KCNC4: variants seen among roughly 807,000 people sequenced by gnomAD.
KCNC4 encodes potassium voltage-gated channel subfamily C member 4.
Under a neutral mutation model 42.8 loss-of-function variants are expected in KCNC4, and 23 were observed. The ratio of observed to expected loss-of-function variants is 0.54; its 90% CI spans 0.39 to 0.76. The LOEUF (loss-of-function observed/expected upper bound fraction) is 0.76, where lower values mean the gene tolerates loss of function less well. Among genes scored for constraint, KCNC4 ranks in the 30% least tolerant of loss-of-function variants. The pLI is 0.00. For synonymous variants in KCNC4, 422 were observed against 393.5 expected (o/e 1.07, Z -0.86); for missense variants, 751 against 898.2 (o/e 0.84, Z 2.10).
chr1:110,243,748 T>G (rs1659083069), exon 4 of KCNC4: 1 of 152,342 alleles, frequency 6.6e-6, no homozygotes, highest in Non-Finnish European at 1.5e-5. Context: ...TGCACCCGGC[T>G]GTGGGCAGAG....
At chr1:110,256,230 G>A (rs1659327808) in intron 1 of KCNC4, among the ~76,000 whole-genome samples, 2 of 152,134 alleles carry the variant, frequency 1.3e-5, no homozygotes, top group Admixed American at 1.3e-4. Flanking sequence ...TTAGACAAGC[G>A]AGATGAAAAC....
chr1:110,261,538 G>T (rs138674532), intron 1 of KCNC4, among the ~76,000 whole-genome samples: 1 of 152,250 alleles, frequency 6.6e-6, no homozygotes, highest in African/African-American at 2.4e-5. Context: ...AGCCACTAAA[G>T]GGAGGATGAG....
rs886333661 is a variant in KCNC4, at chr1:110,256,716, C to T, written n.31-25818C>T. On this transcript the variant is annotated intron_variant and non_coding_transcript_variant, in intron 1 of 2. Transcript: ENST00000412512. ...GGAAGAAAGACAAGTCTGCAGTGGACGGGAAGCGCCGTCACGCCCCGGTAT... is the reference window on the plus strand; with the variant it reads ...GGAAGAAAGACAAGTCTGCAGTGGATGGGAAGCGCCGTCACGCCCCGGTAT... 4.6e-5 allele frequency: 7 copies of T among 153,510 alleles called. No homozygotes were observed. The South Asian group carries it at 1.1e-3, about 23-fold the overall frequency. The allele number at this position is 153,510 out of a possible 1,614,324, so 9.5% of individuals were successfully genotyped here. A position where few individuals can be genotyped will look rare whatever the true frequency, so the allele number is the denominator to read the frequency against.
chr1:110,264,916 T>C (rs973557561), intron 1 of KCNC4, among the ~76,000 whole-genome samples: 1 of 151,988 alleles, frequency 6.6e-6, no homozygotes, highest in African/African-American at 2.4e-5. Context: ...ACCCCATCTC[T>C]ACTAAAAATA....
At chr1:110,217,090 G>T (rs190057526) in intron 1 of KCNC4, among the ~76,000 whole-genome samples, 2 of 152,336 alleles carry the variant, frequency 1.3e-5, no homozygotes, top group East Asian at 3.9e-4. Flanking sequence ...AGATGAGTCA[G>T]AGGGGGCCAT....
intron 3 of KCNC4, among the ~76,000 whole-genome samples, chr1:110,226,842 A>G (rs1397580673): frequency 1.3e-5 from 2 of 152,176 alleles, no homozygotes; most frequent in Non-Finnish European, 2.9e-5. Flanking sequence ...CTTGTCGGAA[A>G]AGGCTGAAAT....
At chr1:110,279,696 T>C (rs976545569) in intron 1 of KCNC4, among the ~76,000 whole-genome samples, 1 of 152,042 alleles carries the variant, frequency 6.6e-6, no homozygotes, top group African/African-American at 2.4e-5. Context: ...ATAATGGCTA[T>C]GAGAGAGAGC....
chr1:110,274,070 T>C (rs1659678973), intron 1 of KCNC4, among the ~76,000 whole-genome samples: 1 of 152,216 alleles, frequency 6.6e-6, no homozygotes, highest in African/African-American at 2.4e-5. Flanking sequence ...ACTGATGATA[T>C]GATCTTATAT....
chr1:110,219,881 G>A (rs1657996526), intron 1 of KCNC4: 1 of 152,174 alleles, frequency 6.6e-6, no homozygotes, highest in Non-Finnish European at 1.5e-5. Context: ...GCCCTGAAGG[G>A]GAACCTGTAA....
Position 110,210,547 on chromosome 1 carries a change from C to T in KCNC4, c.-953C>T, listed in dbSNP as rs925358200. 1.3e-5 allele frequency among the ~76,000 whole-genome samples: 2 copies of T among 151,572 alleles called. No individual in the cohort carries two copies. Among genetic ancestry groups the T allele is most frequent in the Non-Finnish European group, 2.9e-5 (2 of 67,826 alleles). On this transcript the variant is annotated 5_prime_UTR_variant, in exon 1 of 4. Transcript: ENST00000438661. ...GGGGCGTTGCGCTGAGGCTCCCTCT[C>T]CGCGCGGCCCGGGAAGCCTGCAGGT...
At chr1:110,277,731 T>TAAATG (rs1659750069) in intron 1 of KCNC4, among the ~76,000 whole-genome samples, 1 of 152,222 alleles carries the variant, frequency 6.6e-6, no homozygotes, top group Non-Finnish European at 1.5e-5. Context: ...CTCCTCCAAT[T>TAAATG]AAATGTAGGC....
chr1:110,243,259 A>C (rs1557868545), exon 4 of KCNC4: 1 of 152,368 alleles, frequency 6.6e-6, no homozygotes, highest in East Asian at 1.9e-4. Flanking sequence ...GGCAGGTCCA[A>C]CTCGAGGCAG....
chr1:110,257,230 C>A (rs1659346563), intron 1 of KCNC4, among the ~76,000 whole-genome samples: 1 of 152,208 alleles, frequency 6.6e-6, no homozygotes, highest in Non-Finnish European at 1.5e-5. Flanking sequence ...TTGTTATTTG[C>A]AAACTTGACT....
Position 110,211,855 on chromosome 1 carries a change from C to T in KCNC4, c.356C>T (p.Ala119Val), listed in dbSNP as rs1344973245. ...YYRTGKLHCP[A>V]DVCGPLFEEE... ...CGCACCGGCAAGCTGCACTGCCCCGCGGACGTGTGCGGGCCGCTCTTCGAA... is the reference window on the plus strand; with the variant it reads ...CGCACCGGCAAGCTGCACTGCCCCGTGGACGTGTGCGGGCCGCTCTTCGAA... The change falls in exon 1 of 4, where the codon GCG becomes GTG. Residue 119 changes from alanine (A) to valine (V), a missense_variant. Transcript: ENST00000438661. This position sits in a 1 kb window ranked among gnomAD's most constrained non-coding sequence, Gnocchi z 6.5. The T allele has an allele frequency of 3.7e-6, 6 of 1,611,592 alleles. No homozygotes were observed. Among genetic ancestry groups the T allele is most frequent in the African/African-American group, 1.3e-5 (1 of 74,870 alleles).
At position 110,223,374 on chromosome 1, in the gene KCNC4, C is replaced by T; in HGVS notation, c.1089C>T (p.His363=). ...TGCGTATCTTCAAGCTCACACGCCA[C>T]TTCGTGGGGCTACGCGTGCTGGGCC... ...RILRIFKLTR[H]FVGLRVLGHT... The change falls in exon 2 of 4, where the codon CAC becomes CAT. Residue 363 remains histidine, a synonymous_variant. Coordinates refer to ENST00000438661, the MANE Select transcript of KCNC4 (RefSeq NM_001039574.3). This position sits in a 1 kb window ranked among gnomAD's most constrained non-coding sequence, Gnocchi z 7.5. 6.2e-7 allele frequency: 1 copy of T among 1,613,870 alleles called. No homozygotes were observed. The highest frequency in any genetic ancestry group is 8.5e-7 in the Non-Finnish European group (1 of 1,179,874).
chr1:110,243,747 C>G (rs932196354), exon 4 of KCNC4: 4 of 152,432 alleles, frequency 2.6e-5, no homozygotes, highest in Non-Finnish European at 5.9e-5. Flanking sequence ...CTGCACCCGG[C>G]TGTGGGCAGA....
At chr1:110,229,463 C>T (rs998545569) in intron 3 of KCNC4, among the ~76,000 whole-genome samples, 5 of 152,258 alleles carry the variant, frequency 3.3e-5, no homozygotes, top group East Asian at 3.9e-4. Flanking sequence ...GTCCCTTCTG[C>T]GCCCCGAGCT....
chr1:110,283,470 G>A (rs1659863044), downstream of KCNC4, among the ~76,000 whole-genome samples: 1 of 152,140 alleles, frequency 6.6e-6, no homozygotes, highest in Non-Finnish European at 1.5e-5. Flanking sequence ...CAGGGGATAG[G>A]AAATTGTGAT....
chr1:110,278,182 G>T (rs1044706127), intron 1 of KCNC4, among the ~76,000 whole-genome samples: 2 of 142,564 alleles, frequency 1.4e-5, no homozygotes, highest in Admixed American at 7.6e-5. Flanking sequence ...AAGGGAGGGA[G>T]GGAGGGACGG....
Sources: allele counts gnomAD v4.1 joint callset (sites outside exome capture counted in the v4.1 genomes callset), GRCh38; gene constraint gnomAD v4.1.1; non-coding constraint Gnocchi (gnomAD v3.1); transcripts MANE v1.5; gene names NCBI Gene and HGNC (gene_info 2026-07-23, HGNC 2026-07-21).